Variants in ALMS1 observed in about 807,000 individuals in gnomAD.
ALMS1 encodes the protein centrosome-associated protein ALMS1.
Under a neutral mutation model 352.2 loss-of-function variants are expected in ALMS1, and 271 were observed. The ratio of observed to expected loss-of-function variants is 0.77; its 90% confidence interval spans 0.70 to 0.85. The LOEUF (loss-of-function observed/expected upper bound fraction) is 0.85. Among genes scored for constraint, ALMS1 ranks in the 40% least tolerant of loss-of-function variants. The pLI is 0.00. For missense variants in ALMS1, 5,445 were observed against 4,870.7 expected, an observed-to-expected ratio of 1.12 and a Z score of -3.51; for synonymous variants, 1,865 against 1,761.2, an observed-to-expected ratio of 1.06 and a Z score of -1.48.
At position 73,491,906 on chromosome 2, in the gene ALMS1, C is replaced by T. The variant is rs182484160; in HGVS notation, c.9539+408C>T. 1.2e-4 allele frequency among the ~76,000 whole-genome samples: 18 copies of T among 152,262 alleles called. 1 individual carries two copies. In the East Asian group the frequency reaches 3.5e-3, roughly 29 times the overall value. The stretch of plus-strand genomic sequence containing the variant: ...CCCTCTCTCTCTCTCTTCTCCAGCT[C>T]TCTGGTTCCATTTCATGACTTCCCT... On this transcript the variant is annotated intron_variant, in intron 10 of 22. Coordinates refer to ENST00000613296, the MANE Select transcript of ALMS1 (RefSeq NM_001378454.1).
chr2:73,462,306 A>T (rs1451864758), intron 9 of ALMS1, among the ~76,000 whole-genome samples: 6 of 152,192 alleles, frequency 3.9e-5, no homozygotes, highest in Non-Finnish European at 8.8e-5. Flanking sequence ...AATATTCAAC[A>T]TTCTTAAAGA....
chr2:73,461,005 T>TA (rs1672185618), intron 9 of ALMS1, among the ~76,000 whole-genome samples: 1 of 152,244 alleles, frequency 6.6e-6, no homozygotes, highest in Admixed American at 6.5e-5. Context: ...AGGCTCCACC[T>TA]CTGGGGGCAG....
intron 12 of ALMS1, among the ~76,000 whole-genome samples, chr2:73,540,868 A>T (rs1674161285): frequency 6.6e-6 from 1 of 152,242 alleles, no homozygotes; most frequent in Non-Finnish European, 1.5e-5. Context: ...ACCCAGATTG[A>T]TAAAGCAAGT....
intron 15 of ALMS1, among the ~76,000 whole-genome samples, chr2:73,569,694 A>G (rs1239133503): frequency 1.3e-5 from 2 of 152,204 alleles, no homozygotes; most frequent in South Asian, 2.1e-4. Context: ...AATAAGCCAT[A>G]CATACTGAAT....
At chr2:73,494,855 T>C (rs1383715529) in intron 10 of ALMS1, among the ~76,000 whole-genome samples, 1 of 152,246 alleles carries the variant, frequency 6.6e-6, no homozygotes, top group Non-Finnish European at 1.5e-5. Context: ...TGTTAGACTA[T>C]ACAAATAACC....
chr2:73,571,298 A>G (rs1175336696), intron 15 of ALMS1, among the ~76,000 whole-genome samples: 2 of 152,156 alleles, frequency 1.3e-5, no homozygotes, highest in Non-Finnish European at 2.9e-5. Context: ...AGAACTCTAA[A>G]ACAGTGTTTT....
At position 73,490,290 on chromosome 2, in the gene ALMS1, T is replaced by C; in HGVS notation, c.8331T>C (p.His2777=). Residue 2777 remains histidine, a synonymous_variant, in exon 10 of 23, where the codon CAT becomes CAC. Coordinates refer to ENST00000613296, the MANE Select transcript of ALMS1 (RefSeq NM_001378454.1). ...KTSSPSSFKM[H]SNSQDKEVTI... ...CTTCCCCTTCATCATTTAAAATGCA[T>C]AGTAATTCACAAGATAAAGAAGTGA... 1 of 1,613,286 alleles carries C rather than the reference T, an allele frequency of 6.2e-7. No individual in the cohort carries two copies. Among genetic ancestry groups the C allele is most frequent in the South Asian group, 1.1e-5 (1 of 90,886 alleles).
intron 12 of ALMS1, among the ~76,000 whole-genome samples, chr2:73,537,600 A>T (rs1339723149): frequency 6.6e-6 from 1 of 152,244 alleles, no homozygotes; most frequent in Non-Finnish European, 1.5e-5. Flanking sequence ...ATATAAAAAG[A>T]ATATAGACTT....
rs186262426 is a variant in ALMS1, at chr2:73,423,017, C to G, written c.764+43C>G. ...CATGTAACCTTTCTCACTTCTTGTT[C>G]TATGTTTTTACTAATATTAGTGACT... On this transcript the variant is annotated intron_variant, in intron 4 of 22. Coordinates refer to ENST00000613296, the MANE Select transcript of ALMS1 (RefSeq NM_001378454.1). The G allele has an allele frequency of 3.3e-6, 5 of 1,519,828 alleles. No homozygotes were observed. The Admixed American group carries it at 6.7e-5, about 20-fold the overall frequency. 94.1% of individuals were successfully genotyped at this position (1,519,828 alleles called of 1,614,324 possible). A position where few individuals can be genotyped will look rare whatever the true frequency, so the allele number is the denominator to read the frequency against.
rs1029917717 is a variant in ALMS1, at chr2:73,521,596, A to G, written c.9781+1580A>G. ...CTAAAAATACAAAAAAAAAAAAAAA[A>G]AAAAATAGCCGGACACTGTGGCGGG... On this transcript the variant is annotated intron_variant, in intron 11 of 22. Transcript: ENST00000613296. Among the ~76,000 whole-genome samples, 34 of 151,480 alleles carry G rather than the reference A, an allele frequency of 2.2e-4. No homozygotes were observed. In the East Asian group the frequency reaches 6.2e-3, roughly 28 times the overall value.
At chr2:73,577,158 A>G (rs1675070684) in intron 16 of ALMS1, among the ~76,000 whole-genome samples, 1 of 152,150 alleles carries the variant, frequency 6.6e-6, no homozygotes, top group South Asian at 2.1e-4. Context: ...TACTGGCCTT[A>G]TAGAATGAGA....
chr2:73,604,719 G>T (rs1675776901), intron 21 of ALMS1, among the ~76,000 whole-genome samples: 1 of 152,172 alleles, frequency 6.6e-6, no homozygotes, highest in South Asian at 2.1e-4. Flanking sequence ...AAGTTGCTGA[G>T]ACCCTTTCAG....
At position 73,453,966 on chromosome 2, in the gene ALMS1, C is replaced by T. The variant is rs2103793995; in HGVS notation, c.7439C>T (p.Ala2480Val). 1 of 1,613,400 alleles carries T rather than the reference C, an allele frequency of 6.2e-7. No homozygotes were observed. The highest frequency in any genetic ancestry group is 1.3e-5 in the African/African-American group (1 of 74,832). The change falls in exon 8 of 23, where the codon GCT becomes GTT. Residue 2480 changes from alanine to valine, a missense_variant. Ala to Val is a moderately conservative substitution (Grantham distance 64). Coordinates refer to ENST00000613296, the MANE Select transcript of ALMS1 (RefSeq NM_001378454.1). ...GGTGGTAGCAGTGTAGATTCACTGG[C>T]TGCACATGTGAAAAACCTTCTGCAA... ...DGGGSSVDSL[A>V]AHVKNLLQCE...
chr2:73,529,299 C>T (rs968910043), intron 11 of ALMS1, among the ~76,000 whole-genome samples: 2 of 152,176 alleles, frequency 1.3e-5, no homozygotes, highest in Non-Finnish European at 2.9e-5. Context: ...CCACCTCGGC[C>T]TCCCAAAGTG....
chr2:73,583,373 G>A (rs535957226), intron 16 of ALMS1, among the ~76,000 whole-genome samples: 22 of 151,776 alleles, frequency 1.4e-4, no homozygotes, highest in Non-Finnish European at 1.9e-4. Context: ...TTGTTGTTGC[G>A]ACTGCTTTAT....
At chr2:73,445,411 A>G (rs1332286925) in intron 7 of ALMS1, among the ~76,000 whole-genome samples, 1 of 152,126 alleles carries the variant, frequency 6.6e-6, no homozygotes, top group Non-Finnish European at 1.5e-5. Flanking sequence ...TTACAGACTT[A>G]TTAGTGACTG....
intron 9 of ALMS1, among the ~76,000 whole-genome samples, chr2:73,456,243 A>G (rs958107448): frequency 4.6e-5 from 7 of 152,276 alleles, no homozygotes; most frequent in Non-Finnish European, 7.4e-5. Flanking sequence ...TGGAATCAAT[A>G]TGATACATAT....
chr2:73,531,158 C>T (rs1017659959), intron 11 of ALMS1, among the ~76,000 whole-genome samples: 3 of 152,224 alleles, frequency 2.0e-5, no homozygotes, highest in African/African-American at 4.8e-5. Context: ...ACTGCATAGT[C>T]AGGCTGCAAA....
chr2:73,449,139 A>G lies in ALMS1; in HGVS notation c.2612A>G (p.Tyr871Cys), dbSNP rs1197078339. 4 of 1,613,980 alleles carry G rather than the reference A, an allele frequency of 2.5e-6. No individual in the cohort carries two copies. The highest frequency in any genetic ancestry group is 2.2e-5 in the East Asian group (1 of 44,890). Residue 871 changes from tyrosine (Y) to cysteine (C), a missense_variant, in exon 8 of 23, where the codon TAT (tyrosine) becomes TGT (cysteine). Coordinates refer to ENST00000613296, the MANE Select transcript of ALMS1 (RefSeq NM_001378454.1). ...CTTGGAGAAAAGCCCAGTGCTTTCT[A>G]TCAGCAGACCTTACCCAATAGTCAT... ...SSLGEKPSAF[Y>C]QQTLPNSHLT...
Sources: gnomAD v4.1 joint callset for allele counts (sites outside exome capture counted in the v4.1 genomes callset) on GRCh38, gnomAD v4.1.1 for gene constraint, MANE v1.5 for transcripts, NCBI Gene and HGNC (gene_info 2026-07-23, HGNC 2026-07-21) for gene names.